The following TDRD3 variants were observed in gnomAD, a reference collection of about 807,000 sequenced individuals.
The protein encoded by TDRD3 is tudor domain containing 3.
In TDRD3, 45 loss-of-function variants were observed where a neutral mutation model predicts 86.7. The ratio of observed to expected loss-of-function variants is 0.52; its 90% CI spans 0.41 to 0.67. The LOEUF is 0.67. TDRD3 is among the 30% of genes least tolerant of loss of function. TDRD3 has a pLI of 0.00. For synonymous variants in TDRD3, 298 were observed against 301.7 expected, an observed-to-expected ratio of 0.99 and a Z score of 0.13; for missense variants, 814 against 889.0, an observed-to-expected ratio of 0.92 and a Z score of 1.07.
chr13:60,532,766 C>T (rs1010081918), intron 11 of TDRD3, among the ~76,000 whole-genome samples: 1 of 152,054 alleles, frequency 6.6e-6, no homozygotes, highest in African/African-American at 2.4e-5. Context: ...TGAAATATTA[C>T]AACAACCTCC....
At chr13:60,523,052 G>A (rs907660925) in intron 10 of TDRD3, among the ~76,000 whole-genome samples, 14 of 152,110 alleles carry the variant, frequency 9.2e-5, no homozygotes, top group Non-Finnish European at 1.9e-4. Flanking sequence ...CTTTTAGGAT[G>A]GCTGTGAGGA....
intron 7 of TDRD3, among the ~76,000 whole-genome samples, chr13:60,487,832 T>C (rs1047759968): frequency 5.9e-5 from 9 of 152,226 alleles, no homozygotes; most frequent in African/African-American, 9.6e-5. Context: ...TTTAGTTTTT[T>C]TGAGCAACCT....
intron 1 of TDRD3, among the ~76,000 whole-genome samples, chr13:60,398,101 A>G (rs955994873): frequency 6.6e-6 from 1 of 152,222 alleles, no homozygotes; most frequent in African/African-American, 2.4e-5. Context: ...CAGGATTTGA[A>G]AACAATACAA....
chr13:60,414,608 A>G (rs1954447322), intron 1 of TDRD3, among the ~76,000 whole-genome samples: 1 of 152,144 alleles, frequency 6.6e-6, no homozygotes, highest in South Asian at 2.1e-4. Flanking sequence ...GAAAACCACA[A>G]TCCTTGTTCT....
At chr13:60,559,317 T>G (rs1265790973) in intron 12 of TDRD3, among the ~76,000 whole-genome samples, 1 of 152,160 alleles carries the variant, frequency 6.6e-6, no homozygotes, top group East Asian at 1.9e-4. Flanking sequence ...CTTAAGAGGT[T>G]GAGCTCTTAC....
chr13:60,548,746 T>TA (rs1417176205), intron 12 of TDRD3, among the ~76,000 whole-genome samples: 3 of 151,652 alleles, frequency 2.0e-5, no homozygotes, highest in Admixed American at 1.3e-4. Context: ...TCATAATACT[T>TA]ACGCTGGCAA....
intron 1 of TDRD3, among the ~76,000 whole-genome samples, chr13:60,421,420 G>C (rs527291735): frequency 6.6e-6 from 1 of 152,256 alleles, no homozygotes; most frequent in Non-Finnish European, 1.5e-5. Context: ...ACTTCCCACT[G>C]GGTCCCTCCT....
At chr13:60,465,827 A>T (rs906928918) in intron 4 of TDRD3, among the ~76,000 whole-genome samples, 1 of 152,138 alleles carries the variant, frequency 6.6e-6, no homozygotes, top group Non-Finnish European at 1.5e-5. Flanking sequence ...ATAATTTTCT[A>T]ATTTATCCTA....
At chr13:60,456,467 T>TA (rs1252002565) in intron 3 of TDRD3, among the ~76,000 whole-genome samples, 1 of 152,218 alleles carries the variant, frequency 6.6e-6, no homozygotes, top group Non-Finnish European at 1.5e-5. Context: ...GGTGCAATGA[T>TA]ACATCTTTCT....
intron 10 of TDRD3, among the ~76,000 whole-genome samples, chr13:60,518,837 T>C (rs1595059379): frequency 6.6e-6 from 1 of 152,274 alleles, no homozygotes; most frequent in Admixed American, 6.5e-5. Context: ...TAAAATACCA[T>C]GAAAAGAGGA....
intron 10 of TDRD3, among the ~76,000 whole-genome samples, chr13:60,516,069 C>T (rs921938850): frequency 1.3e-5 from 2 of 152,152 alleles, no homozygotes; most frequent in Non-Finnish European, 2.9e-5. Flanking sequence ...ATTGACATTA[C>T]AAAGAAGTAA....
intron 1 of TDRD3, among the ~76,000 whole-genome samples, chr13:60,428,254 A>G (rs1171765701): frequency 2.7e-5 from 4 of 150,606 alleles, no homozygotes; most frequent in Non-Finnish European, 4.4e-5. Flanking sequence ...TCTTATTTCA[A>G]AGTTCTTAAT....
intron 10 of TDRD3, among the ~76,000 whole-genome samples, chr13:60,517,412 A>G (rs1452926464): frequency 6.6e-6 from 1 of 152,184 alleles, no homozygotes; most frequent in Admixed American, 6.5e-5. Context: ...TGTATTGACT[A>G]TTATGTATAT....
chr13:60,444,585 T>G, intron 2 of TDRD3, 98 bp from the exon 3 acceptor site: 1 of 715,126 alleles, frequency 1.4e-6, no homozygotes, highest in East Asian at 3.2e-5. Context: ...GAATTTTTGT[T>G]TCACAAACCA....
At chr13:60,400,451 T>C (rs1406162032) in intron 1 of TDRD3, among the ~76,000 whole-genome samples, 1 of 152,138 alleles carries the variant, frequency 6.6e-6, no homozygotes, top group Admixed American at 6.5e-5. Context: ...TTTTTGAAAA[T>C]GTATCTTCTG....
Position 60,433,841 on chromosome 13 carries a change from A to T in TDRD3, c.42-5847A>T, listed in dbSNP as rs569511808. Among the ~76,000 whole-genome samples the T allele has an allele frequency of 1.1e-4, 17 of 152,336 alleles. No individual in the cohort carries two copies. In the East Asian group the frequency reaches 3.1e-3, roughly 28 times the overall value. The stretch of plus-strand genomic sequence containing the variant: ...CTCCGTTTCATTATCTATACATTAT[A>T]GCCAGTGAGTAAGTTAGATTCACCG... On this transcript the variant is annotated intron_variant, in intron 1 of 13. Coordinates refer to ENST00000377881, the MANE Select transcript of TDRD3 (RefSeq NM_001146070.2).
chr13:60,423,849 AC>A (rs1248034347), intron 1 of TDRD3, among the ~76,000 whole-genome samples: 3 of 152,170 alleles, frequency 2.0e-5, no homozygotes, highest in African/African-American at 7.2e-5. Flanking sequence ...GAATAAATGA[AC>A]TAAATTTTCA....
chr13:60,530,575 G>A (rs1957559061), intron 11 of TDRD3, among the ~76,000 whole-genome samples: 1 of 151,744 alleles, frequency 6.6e-6, no homozygotes, highest in Non-Finnish European at 1.5e-5. Flanking sequence ...TGAGTAGCTG[G>A]GACTACAGAA....
At chr13:60,487,305 T>C (rs1215301791) in intron 7 of TDRD3, among the ~76,000 whole-genome samples, 1 of 152,042 alleles carries the variant, frequency 6.6e-6, no homozygotes, top group Non-Finnish European at 1.5e-5. Flanking sequence ...AGCAAAACCC[T>C]GTCTCCACTA....
Sources: gnomAD v4.1 joint callset for allele counts (sites outside exome capture counted in the v4.1 genomes callset) on GRCh38, gnomAD v4.1.1 for gene constraint, MANE v1.5 for transcripts, NCBI Gene and HGNC (gene_info 2026-07-23, HGNC 2026-07-21) for gene names.